Variants in SPEG observed in about 807,000 individuals in gnomAD.
SPEG encodes the protein striated muscle preferentially expressed protein kinase.
In SPEG, 114 loss-of-function variants were observed where a neutral mutation model predicts 300.4. That is an observed-to-expected ratio of 0.38 (90% CI 0.33 to 0.44). The LOEUF (loss-of-function observed/expected upper bound fraction) is 0.44. SPEG is among the 20% of genes least tolerant of loss of function. The pLI, the probability that SPEG is intolerant of heterozygous loss-of-function variation, is 1.00. For missense variants in SPEG, 4,201 were observed against 4,586.2 expected, an observed-to-expected ratio of 0.92 and a Z score of 2.43; for synonymous variants, 1,964 against 2,018.9, an observed-to-expected ratio of 0.97 and a Z score of 0.73.
chr2:219,437,536 C>A (rs1019293006), intron 1 of SPEG, among the ~76,000 whole-genome samples: 13 of 152,098 alleles, frequency 8.5e-5, no homozygotes, highest in African/African-American at 3.1e-4. Context: ...GGATCAGGGG[C>A]CCTTTGACAT....
intron 6 of SPEG, chr2:219,460,806 C>G (rs34277449): frequency 0.013 from 12,912 of 986,234 alleles, 107 homozygotes; most frequent in South Asian, 0.026. Flanking sequence ...TCCCCTCCCC[C>G]AGGGCCTTCT....
In SPEG at chr2:219,451,544, T is replaced by G; in HGVS notation, c.2258-81T>G. ...CTGAGAGGAGAGGTTTGGTCTCCTGTGTGGTGTGTGGGGTAGGAGTAGAGA... is the reference window on the plus strand; with the variant it reads ...CTGAGAGGAGAGGTTTGGTCTCCTGGGTGGTGTGTGGGGTAGGAGTAGAGA... On this transcript the variant is annotated intron_variant, in intron 5 of 40. Transcript: ENST00000312358. The surrounding 1 kb of genome is among the most constrained non-coding windows in gnomAD (Gnocchi z 6.4). 1.5e-6 allele frequency: 2 copies of G among 1,342,894 alleles called. No individual in the cohort carries two copies. Among genetic ancestry groups the G allele is most frequent in the East Asian group, 2.6e-5 (1 of 38,548 alleles). 83.2% of individuals were successfully genotyped at this position (1,342,894 alleles called of 1,614,324 possible). A position where few individuals can be genotyped will look rare whatever the true frequency, so the allele number is the denominator to read the frequency against.
intron 1 of SPEG, among the ~76,000 whole-genome samples, 156 bp downstream of exon 1, chr2:219,435,521 G>A (rs1483988793): frequency 6.6e-6 from 1 of 152,222 alleles, no homozygotes; most frequent in South Asian, 2.1e-4. Context: ...GAAGTGAGAC[G>A]AAGAGCCAAG....
At position 219,460,263 on chromosome 2, in the gene SPEG, T is replaced by C. The variant is rs555734095; in HGVS notation, c.2441-1619T>C. On this transcript the variant is annotated intron_variant, in intron 6 of 40. Coordinates refer to ENST00000312358, the MANE Select transcript of SPEG (RefSeq NM_005876.5). ...CCCCCTCAGATTCTTCCCCCACCTC[T>C]GTGAAGGAGGGCAAAGATCTTGACA... is the stretch of plus-strand genomic sequence containing the variant. 4.1e-6 allele frequency: 4 copies of C among 972,818 alleles called. No individual in the cohort carries two copies. The African/African-American group carries it at 7.0e-5, about 17-fold the overall frequency. The allele number at this position is 972,818 out of a possible 1,614,324, so 60.3% of individuals were successfully genotyped here.
intron 13 of SPEG, among the ~76,000 whole-genome samples, chr2:219,470,979 A>T (rs1691824957): frequency 7.4e-6 from 1 of 136,028 alleles, no homozygotes; most frequent in Non-Finnish European, 1.6e-5. Flanking sequence ...GTCTGGTGGG[A>T]CAAGCAGATC....
In SPEG at chr2:219,485,011, C is replaced by T; in HGVS notation, c.7548C>T (p.Gly2516=). Residue 2516 remains glycine (G), a synonymous_variant, in exon 30 of 41, where the codon GGC becomes GGT. Coordinates refer to ENST00000312358, the MANE Select transcript of SPEG (RefSeq NM_005876.5). The part of the protein sequence containing the change: ...LPHNQLAAQA[G]ATTPSAESLG... ...ACAACCAGTTGGCCGCCCAGGCCGGCGCCACCACGCCTTCCGCCGAGTCCC... is the reference window on the plus strand; with the variant it reads ...ACAACCAGTTGGCCGCCCAGGCCGGTGCCACCACGCCTTCCGCCGAGTCCC... The T allele has an allele frequency of 6.5e-7, 1 of 1,531,480 alleles. No individual in the cohort carries two copies. The highest frequency in any genetic ancestry group is 2.2e-4 in the Middle Eastern group (1 of 4,624). The allele number at this position is 1,531,480 out of a possible 1,614,324, so 94.9% of individuals were successfully genotyped here.
chr2:219,443,857 C>G lies in SPEG; in HGVS notation c.389-796C>G. On this transcript the variant is annotated intron_variant, in intron 1 of 40. Transcript: ENST00000312358. The surrounding 1 kb of genome is among the most constrained non-coding windows in gnomAD (Gnocchi z 4.6). ...ATAACAAGCCCAAGTATGGGGGTCC[C>G]CAGTGCTGGGCACATCCCAGGTATC... 4.5e-6 allele frequency: 2 copies of G among 449,168 alleles called. No homozygotes were observed. Among genetic ancestry groups the G allele is most frequent in the South Asian group, 3.5e-5 (2 of 56,676 alleles). 27.8% of individuals were successfully genotyped at this position (449,168 alleles called of 1,614,324 possible). A position where few individuals can be genotyped will look rare whatever the true frequency, so the allele number is the denominator to read the frequency against.
intron 6 of SPEG, among the ~76,000 whole-genome samples, chr2:219,454,858 C>T (rs1258786672): frequency 1.3e-5 from 2 of 152,142 alleles, no homozygotes; most frequent in South Asian, 2.1e-4. Context: ...CTTTGGGAGG[C>T]TGAGGTGGGT....
rs1398111908 is a variant in SPEG, at chr2:219,490,418, T to C, written c.8931T>C (p.Phe2977=). The change falls in exon 37 of 41, where the codon TTT becomes TTC. Residue 2977 remains phenylalanine (F), a synonymous_variant. Coordinates refer to ENST00000312358, the MANE Select transcript of SPEG (RefSeq NM_005876.5). ...TCCCCCCGACACACAGGGGCCGCTT[T>C]GGTGTTGTGCGAGCGTGCCGGGAGA... ...TFLEEKARGR[F]GVVRACRENA... is the part of the protein sequence containing the mutation. 6.2e-7 allele frequency: 1 copy of C among 1,611,104 alleles called. No homozygotes were observed. The highest frequency in any genetic ancestry group is 8.5e-7 in the Non-Finnish European group (1 of 1,179,040).
Position 219,449,084 on chromosome 2 carries a change from C to T in SPEG, c.1926C>T (p.Pro642=). The T allele has an allele frequency of 6.6e-7, 1 of 1,509,212 alleles. No individual in the cohort carries two copies. 93.5% of individuals were successfully genotyped at this position (1,509,212 alleles called of 1,614,324 possible). A position where few individuals can be genotyped will look rare whatever the true frequency, so the allele number is the denominator to read the frequency against. ...CGGCGCAGGCCGTGCGCTTCCTGCCCTGGGCCACGCCGGGCCTGGAGGGCG... is the reference window on the plus strand; with the variant it reads ...CGGCGCAGGCCGTGCGCTTCCTGCCTTGGGCCACGCCGGGCCTGGAGGGCG... ...EPPAQAVRFL[P]WATPGLEGAA... Residue 642 remains proline, a synonymous_variant, in exon 4 of 41, where the codon CCC becomes CCT. Coordinates refer to ENST00000312358, the MANE Select transcript of SPEG (RefSeq NM_005876.5).
chr2:219,449,408 C>T (rs1229071381), intron 4 of SPEG, 137 bp downstream of exon 4: 3 of 607,696 alleles, frequency 4.9e-6, no homozygotes, highest in East Asian at 6.9e-5. Context: ...GGTGGGTTTG[C>T]CAAAGAAGGC....
Position 219,444,085 on chromosome 2 carries a change from C to G in SPEG, c.389-568C>G, listed in dbSNP as rs1386085626. ...GTAGGAAACTGGCTCCTGCTCTAGC[C>G]CCCCGCATCCCCCCCTTTCCCACCC... On this transcript the variant is annotated intron_variant, in intron 1 of 40. Transcript: ENST00000312358. This position sits in a 1 kb window ranked among gnomAD's most constrained non-coding sequence, Gnocchi z 7.8. 1 of 1,356,562 alleles carries G rather than the reference C, an allele frequency of 7.4e-7. No individual in the cohort carries two copies. Among genetic ancestry groups the G allele is most frequent in the Admixed American group, 1.9e-5 (1 of 51,662 alleles). The allele number at this position is 1,356,562 out of a possible 1,614,324, so 84.0% of individuals were successfully genotyped here. A position where few individuals can be genotyped will look rare whatever the true frequency, so the allele number is the denominator to read the frequency against.
At chr2:219,449,596 G>A (rs1028148817) in intron 4 of SPEG, among the ~76,000 whole-genome samples, 8 of 152,132 alleles carry the variant, frequency 5.3e-5, no homozygotes, top group African/African-American at 1.9e-4. Context: ...CTAGGCTGTT[G>A]GATCAAGAAC....
Position 219,489,884 on chromosome 2 carries a change from A to G in SPEG, c.8866A>G (p.Thr2956Ala), listed in dbSNP as rs765308588. 5.6e-6 allele frequency: 9 copies of G among 1,600,610 alleles called. No homozygotes were observed. In the East Asian group the frequency reaches 2.0e-4, roughly 36 times the overall value. Reference sequence around the variant, plus strand: ...AAGCTCTCCCAGGCCTGAGGGTACCACTCTTCGACAGGGTCCCCCTCAGAA... The same window carrying G: ...AAGCTCTCCCAGGCCTGAGGGTACCGCTCTTCGACAGGGTCCCCCTCAGAA... Reference protein sequence around the residue: ...PRSSPRPEGTTLRQGPPQKPY... With the variant: ...PRSSPRPEGTALRQGPPQKPY... The change falls in exon 36 of 41, where the codon ACT (threonine) becomes GCT (alanine). Residue 2956 changes from threonine (T) to alanine (A), a missense_variant. Coordinates refer to ENST00000312358, the MANE Select transcript of SPEG (RefSeq NM_005876.5).
Position 219,490,612 on chromosome 2 carries a change from G to A in SPEG, c.9125G>A (p.Cys3042Tyr), listed in dbSNP as rs1334929652. The A allele has an allele frequency of 6.2e-7, 1 of 1,612,440 alleles. No homozygotes were observed. Among genetic ancestry groups the A allele is most frequent in the Non-Finnish European group, 8.5e-7 (1 of 1,178,630 alleles). The change falls in exon 37 of 41, where the codon TGT becomes TAT. Residue 3042 changes from cysteine to tyrosine, a missense_variant. Physicochemically the swap from Cys to Tyr is radical, Grantham distance 194 (BLOSUM62 -2). Coordinates refer to ENST00000312358, the MANE Select transcript of SPEG (RefSeq NM_005876.5). ...PRYLVLIAES[C>Y]GNRELLCGLS... ...TACCTCGTGCTCATTGCTGAGAGCT[G>A]TGGCAACCGGGAACTCCTCTGTGGG...
In SPEG at chr2:219,476,923, A is replaced by G. The variant is rs1222208584; in HGVS notation, c.4501A>G (p.Thr1501Ala). Residue 1501 changes from threonine (T) to alanine (A), a missense_variant, in exon 19 of 41, where the codon ACT becomes GCT. Physicochemically the swap from Thr to Ala is moderately conservative, Grantham distance 58. Transcript: ENST00000312358. ...GGACGTGGAGGTGGGGGCTGGGGAAACTGCTCGCTTTGCGGTGGTGGTCGA... is the reference window on the plus strand; with the variant it reads ...GGACGTGGAGGTGGGGGCTGGGGAAGCTGCTCGCTTTGCGGTGGTGGTCGA... Reference protein sequence around the residue: ...MEDVEVGAGETARFAVVVEGK... With the variant: ...MEDVEVGAGEAARFAVVVEGK... 2 of 1,613,160 alleles carry G rather than the reference A, an allele frequency of 1.2e-6. No homozygotes were observed. The highest frequency in any genetic ancestry group is 1.3e-5 in the African/African-American group (1 of 74,762).
chr2:219,454,495 C>A (rs1157597544), intron 6 of SPEG, among the ~76,000 whole-genome samples: 1 of 152,228 alleles, frequency 6.6e-6, no homozygotes. Flanking sequence ...CTACAGCTCT[C>A]TAAACAGTTT....
intron 18 of SPEG, among the ~76,000 whole-genome samples, chr2:219,476,421 G>A (rs1291090930): frequency 2.0e-5 from 3 of 152,182 alleles, no homozygotes; most frequent in Non-Finnish European, 4.4e-5. Flanking sequence ...GTGGCCCTGT[G>A]AAGAAGGGCG....
At chr2:219,469,882 G>A (rs1026399675) in intron 13 of SPEG, among the ~76,000 whole-genome samples, 30 of 152,288 alleles carry the variant, frequency 2.0e-4, no homozygotes, top group African/African-American at 6.7e-4. Flanking sequence ...TGGAAGGGAT[G>A]CTCTGTCCAG....
Sources: allele counts gnomAD v4.1 joint callset (sites outside exome capture counted in the v4.1 genomes callset), GRCh38; gene constraint gnomAD v4.1.1; non-coding constraint Gnocchi (gnomAD v3.1); transcripts MANE v1.5; gene names NCBI Gene and HGNC (gene_info 2026-07-23, HGNC 2026-07-21).